Variants in PAQR5 observed in about 807,000 individuals in gnomAD.
PAQR5 encodes progestin and adipoQ receptor family member 5, also known as membrane progestin receptor gamma.
A neutral mutation model predicts 34.5 loss-of-function variants in PAQR5; 20 were observed. That is an observed-to-expected ratio of 0.58 (90% CI 0.41 to 0.84). The LOEUF is 0.84. Among genes scored for constraint, PAQR5 ranks in the 40% least tolerant of loss-of-function variants. The pLI, the probability that PAQR5 is intolerant of heterozygous loss-of-function variation, is 0.00. For synonymous variants in PAQR5, 131 were observed against 155.6 expected, an observed-to-expected ratio of 0.84 and a Z score of 1.18; for missense variants, 378 against 412.7, an observed-to-expected ratio of 0.92 and a Z score of 0.73.
chr15:69,322,417 C>T (rs995889339), intron 1 of PAQR5, among the ~76,000 whole-genome samples: 12 of 148,658 alleles, frequency 8.1e-5, no homozygotes, highest in South Asian at 4.3e-4. Flanking sequence ...TGCAGTGAGC[C>T]GAGATCGCAC....
Position 69,366,441 on chromosome 15 carries a change from AGTT to A in PAQR5, c.51+6313_51+6315del, listed in dbSNP as rs1567023489. On this transcript the variant is annotated intron_variant, in intron 3 of 8. Transcript: ENST00000395407. ...CATGTACAAGTCATTTAGGTGGACA[AGTT>A]GTCAGTCTCTTTGGTGTACAACCCA... Among the ~76,000 whole-genome samples the A allele has an allele frequency of 2.0e-5, 3 of 152,226 alleles. No homozygotes were observed. The South Asian group carries it at 6.2e-4, about 32-fold the overall frequency.
intron 3 of PAQR5, among the ~76,000 whole-genome samples, chr15:69,371,131 A>T (rs571938342): frequency 3.3e-5 from 5 of 152,286 alleles, no homozygotes; most frequent in African/African-American, 1.2e-4. Context: ...ACTATTCCTG[A>T]GTCATTGTAG....
At position 69,301,880 on chromosome 15, in the gene PAQR5, T is replaced by A. The variant is rs2053613575; in HGVS notation, c.-277+2824T>A. Among the ~76,000 whole-genome samples, 4 of 66,426 alleles carry A rather than the reference T, an allele frequency of 6.0e-5. No individual in the cohort carries two copies. In the South Asian group the frequency reaches 2.1e-3, roughly 35 times the overall value. The allele number at this position is 66,426 out of a possible 152,430, so 43.6% of individuals were successfully genotyped here. The stretch of plus-strand genomic sequence containing the variant: ...GGAGATTTTTTTTTTTTTTTTTTTT[T>A]TTTTTTTTTTTTTTTTAGCACAGTG... On this transcript the variant is annotated intron_variant, in intron 1 of 8. Coordinates refer to ENST00000395407, the MANE Select transcript of PAQR5 (RefSeq NM_017705.4).
At chr15:69,377,051 T>G (rs1487775494) in intron 3 of PAQR5, among the ~76,000 whole-genome samples, 1 of 152,238 alleles carries the variant, frequency 6.6e-6, no homozygotes, top group Non-Finnish European at 1.5e-5. Flanking sequence ...GAAATGTTTC[T>G]GCTCTCACTG....
intron 4 of PAQR5, chr15:69,383,047 A>C (rs1219728944): frequency 6.6e-6 from 1 of 151,968 alleles, no homozygotes; most frequent in Non-Finnish European, 1.5e-5. Flanking sequence ...CTAGATATAC[A>C]TAAAGCCTCT....
chr15:69,354,117 A>T (rs535307183), intron 2 of PAQR5, among the ~76,000 whole-genome samples: 2 of 152,340 alleles, frequency 1.3e-5, no homozygotes, highest in Admixed American at 6.5e-5. Flanking sequence ...GGCAGTACTA[A>T]CAAATGGCCC....
chr15:69,326,719 G>A (rs1017561567), intron 1 of PAQR5, among the ~76,000 whole-genome samples: 1 of 152,148 alleles, frequency 6.6e-6, no homozygotes, highest in Non-Finnish European at 1.5e-5. Context: ...TTACAGGCGT[G>A]AGCCACCGCA....
At chr15:69,301,149 G>A (rs1183952646) in intron 1 of PAQR5, among the ~76,000 whole-genome samples, 4 of 151,178 alleles carry the variant, frequency 2.6e-5, no homozygotes, top group East Asian at 1.9e-4. Context: ...GATTACAGGC[G>A]CCTGCCACCA....
At chr15:69,400,224 A>G in intron 8 of PAQR5, 109 bp downstream of exon 8, 2 of 1,129,692 alleles carry the variant, frequency 1.8e-6, no homozygotes, top group East Asian at 2.4e-5. Flanking sequence ...GGGCAGAGAG[A>G]GAGGCCAAGG....
intron 1 of PAQR5, among the ~76,000 whole-genome samples, chr15:69,305,943 T>C (rs1219267364): frequency 1.3e-5 from 2 of 152,184 alleles, no homozygotes; most frequent in Non-Finnish European, 2.9e-5. Context: ...TAACAGACTG[T>C]GAGGTTTGGG....
intron 4 of PAQR5, chr15:69,382,746 G>GTATA (rs2055934149): frequency 2.3e-5 from 3 of 130,540 alleles, no homozygotes; most frequent in African/African-American, 9.1e-5. Flanking sequence ...ATATATATAT[G>GTATA]TGTGTATATA....
chr15:69,389,542 C>T (rs1306026667), intron 5 of PAQR5, 112 bp from the exon 6 acceptor site: 4 of 1,407,554 alleles, frequency 2.8e-6, no homozygotes, highest in Non-Finnish European at 3.9e-6. Context: ...GGCGCAGAGC[C>T]AGGACTGTGG....
chr15:69,331,476 C>G (rs746434210), intron 1 of PAQR5, among the ~76,000 whole-genome samples: 2 of 152,190 alleles, frequency 1.3e-5, no homozygotes, highest in Non-Finnish European at 2.9e-5. Flanking sequence ...GGCCTTCTGT[C>G]TATCTCGTCT....
chr15:69,342,453 T>A (rs946977697), intron 2 of PAQR5, among the ~76,000 whole-genome samples: 1 of 152,208 alleles, frequency 6.6e-6, no homozygotes, highest in African/African-American at 2.4e-5. Context: ...CTTATAGACA[T>A]CTGATTTGCA....
At chr15:69,347,191 G>T (rs1205142958) in intron 2 of PAQR5, among the ~76,000 whole-genome samples, 1 of 152,188 alleles carries the variant, frequency 6.6e-6, no homozygotes, top group Non-Finnish European at 1.5e-5. Context: ...ATTAGCAAGA[G>T]AGTTCTTATT....
At chr15:69,390,320 T>TTTCA (rs1555423048) in intron 6 of PAQR5, among the ~76,000 whole-genome samples, 1 of 133,370 alleles carries the variant, frequency 7.5e-6, no homozygotes, top group Admixed American at 7.9e-5. Context: ...CTGACCTGTT[T>TTTCA]TTTATTTATT....
intron 4 of PAQR5, among the ~76,000 whole-genome samples, chr15:69,381,760 T>C (rs1457408063): frequency 2.0e-5 from 3 of 152,144 alleles, no homozygotes; most frequent in Non-Finnish European, 4.4e-5. Flanking sequence ...AACTGAAGGA[T>C]ACATTTTGAG....
chr15:69,396,622 A>T (rs1238193692), intron 6 of PAQR5, among the ~76,000 whole-genome samples: 5 of 152,092 alleles, frequency 3.3e-5, no homozygotes, highest in Non-Finnish European at 7.4e-5. Context: ...AGGGCCCATG[A>T]GCACTTCCTT....
intron 5 of PAQR5, among the ~76,000 whole-genome samples, chr15:69,386,217 C>T (rs1406542327): frequency 2.0e-5 from 3 of 151,186 alleles, no homozygotes; most frequent in Non-Finnish European, 4.4e-5. Flanking sequence ...TTCACACACT[C>T]ACACTCTCAC....
Sources: gnomAD v4.1 joint callset for allele counts (sites outside exome capture counted in the v4.1 genomes callset) on GRCh38, gnomAD v4.1.1 for gene constraint, MANE v1.5 for transcripts, NCBI Gene and HGNC (gene_info 2026-07-23, HGNC 2026-07-21) for gene names.